MYSM1: variants seen among roughly 807,000 people sequenced by gnomAD.
The protein encoded by MYSM1 is Myb like, SWIRM and MPN domains 1.
Under a neutral mutation model 116.0 loss-of-function variants are expected in MYSM1, and 51 were observed. That is an observed-to-expected ratio of 0.44 (90% confidence interval 0.35 to 0.56). The LOEUF (loss-of-function observed/expected upper bound fraction) is 0.56. Ranked by LOEUF, MYSM1 falls within the 20% of genes least tolerant of loss-of-function variation. The pLI, the probability that MYSM1 is intolerant of heterozygous loss-of-function variation, is 0.00. For missense variants in MYSM1, 900 were observed against 974.9 expected (o/e 0.92, Z 1.02); for synonymous variants, 313 against 315.2 (o/e 0.99, Z 0.07).
Position 58,677,036 on chromosome 1 carries a change from T to A in MYSM1, c.1280A>T (p.Tyr427Phe). 1.2e-6 allele frequency: 2 copies of A among 1,607,304 alleles called. No individual in the cohort carries two copies. The highest frequency in any genetic ancestry group is 1.7e-6 in the Non-Finnish European group (2 of 1,176,962). ...AGGACGTACTGAGGTCTTATTTAAG[T>A]ATTTTGGTTTGCATATCTCCCTAAT... ...LDQWEICKPK[Y>F]LNKTSVRPGL... The change falls in exon 9 of 20, where the codon TAC (tyrosine) becomes TTC (phenylalanine). Residue 427 changes from tyrosine to phenylalanine, a missense_variant. By Grantham distance (22) the Tyr-to-Phe change is conservative. Transcript: ENST00000472487.
intron 2 of MYSM1, 109 bp from the exon 3 acceptor site, chr1:58,693,040 AT>A: frequency 1.2e-6 from 1 of 823,346 alleles, no homozygotes; most frequent in Non-Finnish European, 1.9e-6. Flanking sequence ...GACAGTCACC[AT>A]TTACTGAGCA....
In MYSM1 at chr1:58,659,865, C is replaced by T; in HGVS notation, c.*132G>A. On this transcript the variant is annotated 3_prime_UTR_variant, in exon 20 of 20. Transcript: ENST00000472487. Reference sequence around the variant, plus strand: ...CTTCCTTTTCACATGATTTATGTGGCAAAGTTTGGATTTTGTGAAATAGAG... The same window carrying T: ...CTTCCTTTTCACATGATTTATGTGGTAAAGTTTGGATTTTGTGAAATAGAG... 2 of 616,446 alleles carry T rather than the reference C, an allele frequency of 3.2e-6. No individual in the cohort carries two copies. Among genetic ancestry groups the T allele is most frequent in the East Asian group, 3.1e-5 (1 of 32,274 alleles). The allele number at this position is 616,446 out of a possible 1,614,324, so 38.2% of individuals were successfully genotyped here.
At chr1:58,671,650 A>G (rs1005804172) in intron 12 of MYSM1, among the ~76,000 whole-genome samples, 6 of 152,148 alleles carry the variant, frequency 3.9e-5, no homozygotes, top group Non-Finnish European at 8.8e-5. Flanking sequence ...CCTTTACAAC[A>G]TATGTTGGAT....
rs1335180983 is a variant in MYSM1, at chr1:58,673,604, T to A, written c.1541A>T (p.Asp514Val). The change falls in exon 11 of 20, where the codon GAT (aspartate) becomes GTT (valine). Residue 514 changes from aspartate (D) to valine (V), a missense_variant. Transcript: ENST00000472487. ...RVRDPWGNWC[D>V]AKDLEGQTFE... ...CGTTTGTCCTTCTAAGTCCTTTGCA[T>A]CACACCAGTTTCCCCATGGGTCTCG... The A allele has an allele frequency of 3.7e-6, 6 of 1,614,124 alleles. No homozygotes were observed. Among genetic ancestry groups the A allele is most frequent in the Non-Finnish European group, 5.1e-6 (6 of 1,179,992 alleles).
At chr1:58,661,256 G>A in intron 18 of MYSM1, 29 bp from the exon 19 acceptor site, 1 of 1,571,172 alleles carries the variant, frequency 6.4e-7, no homozygotes, top group South Asian at 1.1e-5. Flanking sequence ...AAACAAACTG[G>A]TGAAACGAAT....
chr1:58,682,477 T>C lies in MYSM1; in HGVS notation c.567A>G (p.Glu189=), dbSNP rs759942487. ...KTGHNLQVKN[E]DKGTKAWTPS... is the part of the protein sequence containing the mutation. ...GTGTCCATGCCTTTGTCCCTTTATC[T>C]TCATTTTTAACTTGAAGATTATGGC... is the stretch of plus-strand genomic sequence containing the variant. The change falls in exon 8 of 20, where the codon GAA becomes GAG. Residue 189 remains glutamate, a synonymous_variant. Coordinates refer to ENST00000472487, the MANE Select transcript of MYSM1 (RefSeq NM_001085487.3). 1 of 1,613,990 alleles carries C rather than the reference T, an allele frequency of 6.2e-7. No homozygotes were observed. The highest frequency in any genetic ancestry group is 8.5e-7 in the Non-Finnish European group (1 of 1,179,956).
chr1:58,691,054 C>CGGATCACAAGGT (rs1644898840), intron 3 of MYSM1, among the ~76,000 whole-genome samples: 1 of 151,574 alleles, frequency 6.6e-6, no homozygotes, highest in African/African-American at 2.4e-5. Context: ...CCGAGGCAGG[C>CGGATCACAAGGT]GGATCACAAG....
intron 1 of MYSM1, among the ~76,000 whole-genome samples, chr1:58,696,805 G>A (rs1227597068): frequency 1.3e-5 from 2 of 152,220 alleles, no homozygotes; most frequent in Non-Finnish European, 2.9e-5. Flanking sequence ...TGCATGGCAT[G>A]TAGAAGGTAC....
rs568103803 is a variant in MYSM1 at position 58,685,627 on chromosome 1, A to AGTT, written c.400-377_400-376insAAC. ...GTTACATTTTCCATTTATACGATCA[A>AGTT]CTGAACATGTTCTGTGCTAATTTCA... is the stretch of plus-strand genomic sequence containing the variant. On this transcript the variant is annotated intron_variant, in intron 6 of 19. Coordinates refer to ENST00000472487, the MANE Select transcript of MYSM1 (RefSeq NM_001085487.3). 3.4e-3 allele frequency among the ~76,000 whole-genome samples: 524 copies of AGTT among 152,332 alleles called. 3 individuals are homozygous for AGTT. Among genetic ancestry groups the AGTT allele is most frequent in the Non-Finnish European group, 6.2e-3 (423 of 68,024 alleles).
Position 58,690,383 on chromosome 1 carries a change from C to T in MYSM1, c.253G>A (p.Val85Ile), listed in dbSNP as rs1382037687. The T allele has an allele frequency of 6.2e-7, 1 of 1,603,304 alleles. No individual in the cohort carries two copies. Among genetic ancestry groups the T allele is most frequent in the South Asian group, 1.1e-5 (1 of 88,848 alleles). The change falls in exon 4 of 20, where the codon GTC becomes ATC. Residue 85 changes from valine (V) to isoleucine (I), a missense_variant. Transcript: ENST00000472487. ...TCATCTTCCTTTTGATCAAGCCAGA[C>T]TTTTTCCGGTTGTGATTTTTTAGAT... Reference protein sequence around the residue: ...YLSKKSQPEKVWLDQKEDDKK... With the variant: ...YLSKKSQPEKIWLDQKEDDKK...
At chr1:58,699,926 C>G (rs564714363) in intron 1 of MYSM1, 59 bp downstream of exon 1, 198 of 1,609,082 alleles carry the variant, frequency 1.2e-4, no homozygotes, top group Non-Finnish European at 1.6e-4. Flanking sequence ...TTTCCCAGGG[C>G]CCGCTCCTTC....
chr1:58,693,414 G>A (rs1399493595), intron 2 of MYSM1, among the ~76,000 whole-genome samples: 1 of 151,942 alleles, frequency 6.6e-6, no homozygotes. Context: ...CAGCCCATCC[G>A]AGATTTCTAC....
intron 14 of MYSM1, 52 bp from the exon 15 acceptor site, chr1:58,667,973 A>G (rs1252613528): frequency 8.0e-7 from 1 of 1,242,284 alleles, no homozygotes; most frequent in Non-Finnish European, 1.2e-6. Context: ...CCACCTGACA[A>G]AGTAACAAAA....
intron 10 of MYSM1, among the ~76,000 whole-genome samples, chr1:58,674,944 A>G (rs1445462621): frequency 6.7e-6 from 1 of 150,246 alleles, no homozygotes; most frequent in African/African-American, 2.4e-5. Context: ...AAAAAAAAAG[A>G]AAAAAAAAGT....
chr1:58,690,362 C>A lies in MYSM1; in HGVS notation c.274G>T (p.Asp92Tyr). Residue 92 changes from aspartate (D) to tyrosine (Y), a missense_variant, in exon 4 of 20, where the codon GAT (aspartate) becomes TAT (tyrosine). Physicochemically the swap from Asp to Tyr is radical, Grantham distance 160. Around this residue, in one of 3 missense-constraint regions of MYSM1, gnomAD observed 622 missense variants for 623.7 expected, o/e 1.00. Coordinates refer to ENST00000472487, the MANE Select transcript of MYSM1 (RefSeq NM_001085487.3). ...TACCTCTTCATGTATTTTTTATCATCTTCCTTTTGATCAAGCCAGACTTTT... is the reference window on the plus strand; with the variant it reads ...TACCTCTTCATGTATTTTTTATCATATTCCTTTTGATCAAGCCAGACTTTT... ...PEKVWLDQKE[D>Y]DKKYMKSLQK... The A allele has an allele frequency of 1.2e-6, 2 of 1,603,806 alleles. No homozygotes were observed. The highest frequency in any genetic ancestry group is 1.7e-6 in the Non-Finnish European group (2 of 1,175,108).
intron 6 of MYSM1, 26 bp from the exon 7 acceptor site, chr1:58,685,277 A>G (rs1644811125): frequency 1.3e-6 from 2 of 1,545,160 alleles, no homozygotes; most frequent in Non-Finnish European, 1.8e-6. Context: ...GGGAAAAAAA[A>G]TTGCTTTTGA....
chr1:58,671,733 A>C, intron 12 of MYSM1, 137 bp downstream of exon 12: 1 of 651,704 alleles, frequency 1.5e-6, no homozygotes, highest in Non-Finnish European at 2.5e-6. Flanking sequence ...CAGTGAAACA[A>C]AAAAAATCTA....
rs760715510 is a variant in MYSM1 at position 58,673,647 on chromosome 1, T to C, written c.1498A>G (p.Thr500Ala). 6 of 1,613,694 alleles carry C rather than the reference T, an allele frequency of 3.7e-6. No homozygotes were observed. Among genetic ancestry groups the C allele is most frequent in the Non-Finnish European group, 5.1e-6 (6 of 1,179,756 alleles). ...QLAQRLQSMR[T>A]RRRRVRDPWG... is the part of the protein sequence containing the mutation. ...GGGTCTCGGACCCTACGTCTCCTTG[T>C]ACGCTGCGATGAGATTAAAGTAAAG... Residue 500 changes from threonine (T) to alanine (A), a missense_variant, in exon 11 of 20, where the codon ACA (threonine) becomes GCA (alanine). Physicochemically the swap from Thr to Ala is moderately conservative, Grantham distance 58. Transcript: ENST00000472487.
At chr1:58,696,443 C>A (rs1457416525) in intron 1 of MYSM1, among the ~76,000 whole-genome samples, 2 of 152,192 alleles carry the variant, frequency 1.3e-5, no homozygotes, top group African/African-American at 2.4e-5. Flanking sequence ...CTATTGTTCA[C>A]CATCTCACTC....
Sources: gnomAD v4.1 joint callset for allele counts (sites outside exome capture counted in the v4.1 genomes callset) on GRCh38, gnomAD v4.1.1 for gene constraint, gnomAD v4.1.1 regional missense constraint, MANE v1.5 for transcripts, NCBI Gene and HGNC (gene_info 2026-07-23, HGNC 2026-07-21) for gene names.